Variants in SPAG16 observed in about 807,000 individuals in gnomAD.
The protein encoded by SPAG16 is sperm associated antigen 16.
SPAG16 carries 86 observed loss-of-function variants against 80.4 expected under a neutral mutation model. The ratio of observed to expected loss-of-function variants is 1.07; its 90% CI spans 0.90 to 1.28. The LOEUF (loss-of-function observed/expected upper bound fraction) is 1.28. Ranked by LOEUF, SPAG16 falls within the 50% of genes most tolerant of loss-of-function variation. The probability of loss-of-function intolerance (pLI) is 0.00; values close to 1 mark genes in which losing one functional copy is unlikely to be tolerated. For missense variants in SPAG16, 870 were observed against 765.3 expected (o/e 1.14, Z -1.61); for synonymous variants, 294 against 265.9 (o/e 1.11, Z -1.03).
chr2:213,699,068 T>C (rs1007875033), intron 10 of SPAG16, among the ~76,000 whole-genome samples: 3 of 152,340 alleles, frequency 2.0e-5, no homozygotes, highest in East Asian at 1.9e-4. Flanking sequence ...TCCATTGCTG[T>C]TGTTGTAGTA....
chr2:213,980,295 G>A (rs554823456), intron 12 of SPAG16, among the ~76,000 whole-genome samples: 383 of 26,626 alleles, frequency 0.014, no homozygotes, highest in South Asian at 0.03. Flanking sequence ...ATATATGTGT[G>A]TATATATATT....
At chr2:214,147,384 C>G (rs1296118270) in intron 14 of SPAG16, among the ~76,000 whole-genome samples, 1 of 152,094 alleles carries the variant, frequency 6.6e-6, no homozygotes, top group Admixed American at 6.6e-5. Flanking sequence ...AAGTATACTT[C>G]AAGATTTTCT....
intron 10 of SPAG16, among the ~76,000 whole-genome samples, chr2:213,710,415 T>G (rs1048640731): frequency 1.3e-5 from 2 of 152,172 alleles, no homozygotes; most frequent in African/African-American, 4.8e-5. Flanking sequence ...TAAGGTATCT[T>G]AAGTCTCTGG....
chr2:214,285,882 T>A (rs1409489691), intron 15 of SPAG16, among the ~76,000 whole-genome samples: 1 of 152,156 alleles, frequency 6.6e-6, no homozygotes, highest in Non-Finnish European at 1.5e-5. Context: ...AATCCCACTT[T>A]CCTAGTTTTG....
intron 11 of SPAG16, among the ~76,000 whole-genome samples, chr2:213,893,488 A>G (rs774592400): frequency 6.6e-5 from 10 of 152,196 alleles, no homozygotes; most frequent in Non-Finnish European, 1.3e-4. Context: ...AGACAGTTCT[A>G]TCAAAAACAA....
intron 15 of SPAG16, among the ~76,000 whole-genome samples, chr2:214,327,880 G>A (rs1224434762): frequency 2.6e-5 from 4 of 152,084 alleles, no homozygotes; most frequent in Non-Finnish European, 5.9e-5. Context: ...GCCTGCAGGG[G>A]AATTTGCAAA....
intron 12 of SPAG16, among the ~76,000 whole-genome samples, chr2:213,997,825 A>G (rs952334645): frequency 1.3e-5 from 2 of 152,172 alleles, no homozygotes; most frequent in Non-Finnish European, 2.9e-5. Context: ...TCTGGGCTGC[A>G]TGCAGCCCAT....
At chr2:214,072,896 G>GGAATATTTAGA (rs762949613) in intron 13 of SPAG16, among the ~76,000 whole-genome samples, 82 of 152,190 alleles carry the variant, frequency 5.4e-4, no homozygotes, top group Middle Eastern at 3.4e-3. Flanking sequence ...TTAGATACTT[G>GGAATATTTAGA]TATTTCCAAA....
chr2:214,133,927 G>A (rs572453349), intron 14 of SPAG16, among the ~76,000 whole-genome samples: 1 of 152,274 alleles, frequency 6.6e-6, no homozygotes, highest in African/African-American at 2.4e-5. Context: ...ATTTGGCTTT[G>A]AACAGGATGA....
chr2:213,902,715 A>T (rs1194185746), intron 11 of SPAG16, among the ~76,000 whole-genome samples: 1 of 152,170 alleles, frequency 6.6e-6, no homozygotes, highest in African/African-American at 2.4e-5. Flanking sequence ...CCTTCTCAAC[A>T]GTCCCCCAAA....
At chr2:214,090,650 T>C (rs866100175) in intron 13 of SPAG16, among the ~76,000 whole-genome samples, 49 of 152,004 alleles carry the variant, frequency 3.2e-4, no homozygotes, top group African/African-American at 1.1e-3. Flanking sequence ...CTTTATTCCT[T>C]CTTCTTCAGA....
At chr2:213,845,012 A>G (rs1046370895) in intron 10 of SPAG16, among the ~76,000 whole-genome samples, 12 of 152,182 alleles carry the variant, frequency 7.9e-5, no homozygotes, top group Non-Finnish European at 1.0e-4. Context: ...GTATATTTGG[A>G]TGAAACATTA....
At chr2:213,865,450 G>A (rs1269686591) in intron 11 of SPAG16, among the ~76,000 whole-genome samples, 2 of 151,644 alleles carry the variant, frequency 1.3e-5, no homozygotes, top group East Asian at 1.9e-4. Context: ...CGAAGTTTAT[G>A]AGATGTATCC....
At chr2:214,082,788 C>A (rs533561565) in intron 13 of SPAG16, among the ~76,000 whole-genome samples, 1 of 152,182 alleles carries the variant, frequency 6.6e-6, no homozygotes, top group Non-Finnish European at 1.5e-5. Flanking sequence ...TTATGCTCAA[C>A]AGATTCAACC....
intron 9 of SPAG16, among the ~76,000 whole-genome samples, chr2:213,473,121 A>G (rs1367741853): frequency 6.6e-6 from 1 of 152,172 alleles, no homozygotes; most frequent in African/African-American, 2.4e-5. Flanking sequence ...CTGCTTATAT[A>G]AATTAAGTAG....
intron 10 of SPAG16, among the ~76,000 whole-genome samples, chr2:213,672,893 C>G: frequency 7.1e-6 from 1 of 141,048 alleles, no homozygotes. Context: ...GAGTCTTGCA[C>G]TGTTGCTTAG....
chr2:213,755,089 T>C (rs1224612073), intron 10 of SPAG16, among the ~76,000 whole-genome samples: 2 of 152,214 alleles, frequency 1.3e-5, no homozygotes, highest in Non-Finnish European at 2.9e-5. Flanking sequence ...TCAGTAATAC[T>C]CAATTTCGAT....
At chr2:214,010,432 G>A (rs952559484) in intron 12 of SPAG16, among the ~76,000 whole-genome samples, 1 of 146,772 alleles carries the variant, frequency 6.8e-6, no homozygotes, top group Non-Finnish European at 1.5e-5. Context: ...AATAATAAAA[G>A]TCTAGGCATA....
chr2:213,766,997 G>T (rs1372812669), intron 10 of SPAG16, among the ~76,000 whole-genome samples: 2 of 152,150 alleles, frequency 1.3e-5, no homozygotes, highest in Non-Finnish European at 2.9e-5. Flanking sequence ...TAGGTTTTCA[G>T]TCAGGAGCCA....
Sources: gnomAD v4.1 joint callset for allele counts (sites outside exome capture counted in the v4.1 genomes callset) on GRCh38, gnomAD v4.1.1 for gene constraint, MANE v1.5 for transcripts, NCBI Gene and HGNC (gene_info 2026-07-23, HGNC 2026-07-21) for gene names.